Variants in KLHL1 observed in about 807,000 individuals in gnomAD.
The protein encoded by KLHL1 is kelch-like protein 1.
In KLHL1, 47 loss-of-function variants were observed where a neutral mutation model predicts 77.7. The ratio of observed to expected loss-of-function variants is 0.60; its 90% CI spans 0.48 to 0.77. The LOEUF is 0.77. KLHL1 is among the 30% of genes least tolerant of loss of function. The probability of loss-of-function intolerance (pLI) is 0.00; values close to 1 mark genes in which losing one functional copy is unlikely to be tolerated. For missense variants in KLHL1, 925 were observed against 910.8 expected, an observed-to-expected ratio of 1.02 and a Z score of -0.20; for synonymous variants, 360 against 325.2, an observed-to-expected ratio of 1.11 and a Z score of -1.15.
At chr13:69,775,011 C>T (rs531665700) in intron 7 of KLHL1, among the ~76,000 whole-genome samples, 1 of 152,128 alleles carries the variant, frequency 6.6e-6, no homozygotes, top group Non-Finnish European at 1.5e-5. Flanking sequence ...AAACTTTAAT[C>T]TGTATTAAAT....
At chr13:69,719,257 T>C in intron 9 of KLHL1, 112 bp downstream of exon 9, 1 of 768,218 alleles carries the variant, frequency 1.3e-6, no homozygotes, top group Non-Finnish European at 2.2e-6. Flanking sequence ...AATGTATCTC[T>C]AGGTGTTGAA....
intron 7 of KLHL1, among the ~76,000 whole-genome samples, chr13:69,776,357 C>A (rs922856147): frequency 6.6e-6 from 1 of 152,012 alleles, no homozygotes; most frequent in African/African-American, 2.4e-5. Context: ...AAAGCAAAAC[C>A]ACCTCAAATC....
At chr13:69,856,989 C>T (rs1879943581) in intron 5 of KLHL1, among the ~76,000 whole-genome samples, 1 of 152,020 alleles carries the variant, frequency 6.6e-6, no homozygotes, top group Non-Finnish European at 1.5e-5. Flanking sequence ...CATATAAATA[C>T]AATCCTGCTG....
At chr13:69,785,579 C>T (rs1876493663) in intron 7 of KLHL1, among the ~76,000 whole-genome samples, 1 of 136,920 alleles carries the variant, frequency 7.3e-6, no homozygotes, top group Admixed American at 6.9e-5. Flanking sequence ...AATTGACACC[C>T]TAAGATCACA....
intron 7 of KLHL1, among the ~76,000 whole-genome samples, chr13:69,762,069 C>T (rs538048938): frequency 2.0e-5 from 3 of 152,218 alleles, no homozygotes; most frequent in Admixed American, 6.5e-5. Context: ...GAAACTTTCC[C>T]ATGCAAGAGG....
chr13:69,721,187 C>T (rs537817303), intron 8 of KLHL1, among the ~76,000 whole-genome samples: 1 of 139,542 alleles, frequency 7.2e-6, no homozygotes, highest in Admixed American at 7.5e-5. Context: ...TGAGTGCCTC[C>T]TTTGGAAAGG....
In KLHL1 at chr13:69,700,833, T is replaced by A. The variant is rs1875357042; in HGVS notation, c.*869A>T. On this transcript the variant is annotated 3_prime_UTR_variant, in exon 11 of 11. Coordinates refer to ENST00000377844, the MANE Select transcript of KLHL1 (RefSeq NM_020866.3). ...TGGATCATATGTTTTTCTTTTGAAA[T>A]TCTAAGTTTGTTTAAGAACAAAATT... 1 of 152,352 alleles carries A rather than the reference T, an allele frequency of 6.6e-6. No individual in the cohort carries two copies. The highest frequency in any genetic ancestry group is 1.5e-5 in the Non-Finnish European group (1 of 67,842). 9.4% of individuals were successfully genotyped at this position (152,352 alleles called of 1,614,324 possible). A position where few individuals can be genotyped will look rare whatever the true frequency, so the allele number is the denominator to read the frequency against.
chr13:69,967,108 C>T (rs964962877), intron 2 of KLHL1, among the ~76,000 whole-genome samples: 1 of 151,950 alleles, frequency 6.6e-6, no homozygotes, highest in Non-Finnish European at 1.5e-5. Flanking sequence ...ATTTTGTTTC[C>T]TTTGGACAGA....
intron 4 of KLHL1, among the ~76,000 whole-genome samples, chr13:69,931,731 C>A (rs571331730): frequency 6.4e-4 from 97 of 151,414 alleles, no homozygotes; most frequent in Admixed American, 3.4e-3. Flanking sequence ...TTGAAATAAA[C>A]AAAAATATTG....
intron 8 of KLHL1, among the ~76,000 whole-genome samples, chr13:69,722,625 A>C (rs1008278581): frequency 1.3e-5 from 2 of 152,060 alleles, no homozygotes; most frequent in Non-Finnish European, 2.9e-5. Flanking sequence ...CAGTTGCAAA[A>C]GCTATTGCCA....
At chr13:69,971,223 A>G (rs1386674828) in intron 2 of KLHL1, among the ~76,000 whole-genome samples, 1 of 152,050 alleles carries the variant, frequency 6.6e-6, no homozygotes. Flanking sequence ...TCTGTTTCTT[A>G]AAGACAAAAT....
intron 7 of KLHL1, among the ~76,000 whole-genome samples, chr13:69,792,788 C>T (rs1007874287): frequency 1.3e-5 from 2 of 151,946 alleles, no homozygotes; most frequent in African/African-American, 2.4e-5. Context: ...CACAAAAGGC[C>T]AGAAATTGTA....
At chr13:70,023,135 C>A (rs1885845577) in intron 1 of KLHL1, among the ~76,000 whole-genome samples, 1 of 151,820 alleles carries the variant, frequency 6.6e-6, no homozygotes, top group African/African-American at 2.4e-5. Context: ...TGAGGTAAAA[C>A]AGATAACATT....
rs1387432480 is a variant in KLHL1 at position 69,958,797 on chromosome 13, C to T, written c.817+2511G>A. Among the ~76,000 whole-genome samples the T allele has an allele frequency of 2.0e-5, 3 of 151,286 alleles. No individual in the cohort carries two copies. In the East Asian group the frequency reaches 5.8e-4, roughly 29 times the overall value. ...ACTTTTACATCTATTCCCACTCATT[C>T]ATTTTTTTTCCTGTTTTCTGGAATA... On this transcript the variant is annotated intron_variant, in intron 3 of 10. Transcript: ENST00000377844.
rs951232458 is a variant in KLHL1 at position 69,968,879 on chromosome 13, T to TA, written c.680+6740dup. On this transcript the variant is annotated intron_variant, in intron 2 of 10. Coordinates refer to ENST00000377844, the MANE Select transcript of KLHL1 (RefSeq NM_020866.3). Reference sequence around the variant, plus strand: ...TACCCTAAAACTTAAAGTATAATAATAAAAAAAAGAAGTGCTCAAAACAAT... The same window carrying TA: ...TACCCTAAAACTTAAAGTATAATAATAAAAAAAAAGAAGTGCTCAAAACAAT... Among the ~76,000 whole-genome samples, 8 of 151,692 alleles carry TA rather than the reference T, an allele frequency of 5.3e-5. No individual in the cohort carries two copies. In the South Asian group the frequency reaches 1.0e-3, roughly 20 times the overall value.
intron 7 of KLHL1, among the ~76,000 whole-genome samples, chr13:69,778,757 TA>T (rs1417036124): frequency 6.6e-6 from 1 of 151,656 alleles, no homozygotes; most frequent in African/African-American, 2.4e-5. Context: ...TGTTTATATC[TA>T]CTGTATATAA....
chr13:70,089,438 T>G (rs1345134389), intron 1 of KLHL1, among the ~76,000 whole-genome samples: 1 of 152,158 alleles, frequency 6.6e-6, no homozygotes, highest in Non-Finnish European at 1.5e-5. Flanking sequence ...TGTTGGCTAA[T>G]TTCTTGGCCA....
intron 4 of KLHL1, among the ~76,000 whole-genome samples, chr13:69,903,630 CTTTTTTTT>C (rs35761520): frequency 6.0e-5 from 3 of 50,204 alleles, no homozygotes; most frequent in African/African-American, 2.9e-4. Flanking sequence ...TGTTCACATT[CTTTTTTTT>C]TTTTTTTTTT....
At chr13:69,904,993 C>G (rs1881999997) in intron 4 of KLHL1, among the ~76,000 whole-genome samples, 5 of 152,044 alleles carry the variant, frequency 3.3e-5, no homozygotes. Context: ...ATCATGGCTA[C>G]CCTGAAAGAG....
Sources: allele counts gnomAD v4.1 joint callset (sites outside exome capture counted in the v4.1 genomes callset), GRCh38; gene constraint gnomAD v4.1.1; transcripts MANE v1.5; gene names NCBI Gene and HGNC (gene_info 2026-07-23, HGNC 2026-07-21).